NBEA: variants seen among roughly 807,000 people sequenced by gnomAD.
NBEA encodes neurobeachin, also known as lysosomal-trafficking regulator 2.
In NBEA, 44 loss-of-function variants were observed where a neutral mutation model predicts 343.4. The ratio of observed to expected loss-of-function variants is 0.13; its 90% CI spans 0.10 to 0.16. The LOEUF is 0.16. NBEA is among the 10% of genes least tolerant of loss of function. The probability of loss-of-function intolerance (pLI) is 1.00; values close to 1 mark genes in which losing one functional copy is unlikely to be tolerated. For synonymous variants in NBEA, 1,175 were observed against 1,238.7 expected (o/e 0.95, Z 1.08); for missense variants, 2,555 against 3,631.3 (o/e 0.70, Z 7.62).
At chr13:35,258,140 T>A (rs1013382043) in intron 34 of NBEA, among the ~76,000 whole-genome samples, 1 of 151,936 alleles carries the variant, frequency 6.6e-6, no homozygotes, top group Non-Finnish European at 1.5e-5. Context: ...TCTTTGAAGG[T>A]TTGGGATTGT....
intron 32 of NBEA, 74 bp downstream of exon 32, chr13:35,208,928 T>A: frequency 9.2e-7 from 1 of 1,092,654 alleles, no homozygotes; most frequent in Non-Finnish European, 1.3e-6. Flanking sequence ...TATTTGATCT[T>A]AAAAATTAAA....
intron 10 of NBEA, among the ~76,000 whole-genome samples, chr13:35,086,874 G>T (rs1593298058): frequency 6.6e-6 from 1 of 152,072 alleles, no homozygotes; most frequent in East Asian, 1.9e-4. Flanking sequence ...TTGTGGTTTA[G>T]ATTTGCATTC....
At chr13:35,019,310 T>A (rs1233731906) in intron 1 of NBEA, among the ~76,000 whole-genome samples, 1 of 151,796 alleles carries the variant, frequency 6.6e-6, no homozygotes, top group Non-Finnish European at 1.5e-5. Flanking sequence ...TTTTGTTTTT[T>A]TTTTTGAGAC....
At chr13:35,625,437 C>T (rs1483437852) in intron 48 of NBEA, among the ~76,000 whole-genome samples, 1 of 151,876 alleles carries the variant, frequency 6.6e-6, no homozygotes, top group Non-Finnish European at 1.5e-5. Context: ...GGCAACATGG[C>T]GAAACCCTGT....
intron 38 of NBEA, among the ~76,000 whole-genome samples, chr13:35,421,389 A>T (rs892774758): frequency 6.6e-6 from 1 of 152,010 alleles, no homozygotes; most frequent in Non-Finnish European, 1.5e-5. Flanking sequence ...GCATAGCCTT[A>T]TCAGTCTACT....
At position 35,159,689 on chromosome 13, in the gene NBEA, A is replaced by G. The variant is rs1297300669; in HGVS notation, c.3518A>G (p.Asp1173Gly). The change falls in exon 22 of 59, where the codon GAC becomes GGC. Residue 1173 changes from aspartate to glycine, a missense_variant. By Grantham distance (94) the Asp-to-Gly change is moderately conservative (BLOSUM62 -1). This residue lies in a region of NBEA where 367 missense variants were observed against 377.5 expected (regional missense o/e 0.97). Coordinates refer to ENST00000379939, the MANE Select transcript of NBEA (RefSeq NM_001385012.1). Reference protein sequence around the residue: ...SSNHIIPNIQDTQVHLGVSDD... With the variant: ...SSNHIIPNIQGTQVHLGVSDD... ...AATCACATTATTCCAAATATTCAGG[A>G]CACACAAGTACATCTTGGTGTTAGT... 1 of 1,612,690 alleles carries G rather than the reference A, an allele frequency of 6.2e-7. No individual in the cohort carries two copies. Among genetic ancestry groups the G allele is most frequent in the Admixed American group, 1.7e-5 (1 of 59,806 alleles).
At chr13:35,561,947 T>C (rs2079875849) in intron 44 of NBEA, among the ~76,000 whole-genome samples, 1 of 152,032 alleles carries the variant, frequency 6.6e-6, no homozygotes, top group African/African-American at 2.4e-5. Flanking sequence ...TTATAGAAAA[T>C]TGGAAATACA....
At chr13:35,606,993 G>A (rs970286513) in intron 48 of NBEA, among the ~76,000 whole-genome samples, 2 of 152,134 alleles carry the variant, frequency 1.3e-5, no homozygotes, top group Non-Finnish European at 2.9e-5. Flanking sequence ...TTATATGTGC[G>A]ATATTTATGC....
rs535724448 is a variant in NBEA at position 35,056,316 on chromosome 13, T to TA, written c.1092+194dup. Among the ~76,000 whole-genome samples the TA allele has an allele frequency of 3.5e-3, 540 of 152,182 alleles. 1 individual carries two copies. Among genetic ancestry groups the TA allele is most frequent in the Non-Finnish European group, 5.8e-3 (397 of 67,990 alleles). On this transcript the variant is annotated intron_variant, in intron 7 of 58. Coordinates refer to ENST00000379939, the MANE Select transcript of NBEA (RefSeq NM_001385012.1). Reference sequence around the variant, plus strand: ...ATTTCTAAAAGACATGATTAGTGATTAAAAAAACAGAAACATTTAGCCAAA... The same window carrying TA: ...ATTTCTAAAAGACATGATTAGTGATTAAAAAAAACAGAAACATTTAGCCAAA...
At chr13:35,536,809 T>C (rs2078576616) in intron 41 of NBEA, among the ~76,000 whole-genome samples, 3 of 152,220 alleles carry the variant, frequency 2.0e-5, no homozygotes, top group South Asian at 4.1e-4. Flanking sequence ...CTTACGCTGA[T>C]AGCAATGTGG....
At chr13:35,122,968 G>C (rs559167754) in intron 16 of NBEA, among the ~76,000 whole-genome samples, 1 of 152,252 alleles carries the variant, frequency 6.6e-6, no homozygotes, top group Admixed American at 6.5e-5. Context: ...AACTAGGCAG[G>C]TGCCTACCTA....
At chr13:35,469,169 G>A (rs184796836) in intron 40 of NBEA, among the ~76,000 whole-genome samples, 2 of 147,994 alleles carry the variant, frequency 1.4e-5, no homozygotes, top group Non-Finnish European at 3.0e-5. Context: ...TAAGATTTCT[G>A]TGCTTGAAAT....
chr13:35,284,853 A>C (rs74048978), intron 34 of NBEA, among the ~76,000 whole-genome samples: 6,428 of 152,252 alleles, frequency 0.042, 161 homozygotes, highest in South Asian at 0.078. Flanking sequence ...GTAAAAGAAT[A>C]GTAGAAAATA....
chr13:35,390,262 T>C (rs1026453634), intron 38 of NBEA, among the ~76,000 whole-genome samples: 2 of 152,068 alleles, frequency 1.3e-5, no homozygotes, highest in African/African-American at 4.8e-5. Context: ...ATTAATGCAG[T>C]TGACACTCAG....
At chr13:35,355,903 T>C (rs937918749) in intron 38 of NBEA, among the ~76,000 whole-genome samples, 1 of 152,068 alleles carries the variant, frequency 6.6e-6, no homozygotes, top group Non-Finnish European at 1.5e-5. Context: ...TTCCCCACTT[T>C]TCAACATCTA....
chr13:35,475,459 C>G (rs1206353995), intron 41 of NBEA: 1 of 1,612,952 alleles, frequency 6.2e-7, no homozygotes, highest in Admixed American at 1.7e-5. Context: ...CCAGGCGTCG[C>G]TCTCCGCCGA....
At chr13:35,331,582 A>G (rs944896965) in intron 36 of NBEA, among the ~76,000 whole-genome samples, 13 of 152,024 alleles carry the variant, frequency 8.6e-5, no homozygotes, top group Admixed American at 2.0e-4. Context: ...AATTGTTTAT[A>G]TTTAAAATGC....
intron 18 of NBEA, among the ~76,000 whole-genome samples, chr13:35,154,873 C>G (rs1219679216): frequency 1.3e-5 from 2 of 151,970 alleles, no homozygotes; most frequent in Non-Finnish European, 2.9e-5. Context: ...TGCATTTAAT[C>G]CCAGCACTTT....
At chr13:35,441,572 C>T (rs1278308325) in intron 39 of NBEA, among the ~76,000 whole-genome samples, 1 of 152,094 alleles carries the variant, frequency 6.6e-6, no homozygotes, top group Non-Finnish European at 1.5e-5. Flanking sequence ...GTTCCTTCCC[C>T]TACCTTCATG....
Sources: allele counts gnomAD v4.1 joint callset (sites outside exome capture counted in the v4.1 genomes callset), GRCh38; gene constraint gnomAD v4.1.1; regional missense constraint gnomAD v4.1.1; transcripts MANE v1.5; gene names NCBI Gene and HGNC (gene_info 2026-07-23, HGNC 2026-07-21).